BACH2: variants seen among roughly 807,000 people sequenced by gnomAD.
BACH2 encodes the protein transcription regulator protein BACH2.
BACH2 carries 5 observed loss-of-function variants against 61.8 expected under a neutral mutation model. The ratio of observed to expected loss-of-function variants is 0.08; its 90% confidence interval spans 0.04 to 0.17. BACH2 has a LOEUF of 0.17. BACH2 is among the 10% of genes least tolerant of loss of function. The probability of loss-of-function intolerance (pLI) is 1.00; values close to 1 mark genes in which losing one functional copy is unlikely to be tolerated. For missense variants in BACH2, 824 were observed against 1,091.1 expected (o/e 0.76, Z 3.45); for synonymous variants, 446 against 440.1 (o/e 1.01, Z -0.17).
chr6:89,950,564 C>A lies in BACH2; in HGVS notation c.1542G>T (p.Glu514Asp). Residue 514 changes from glutamate (E) to aspartate (D), a missense_variant, in exon 7 of 9, where the codon GAG becomes GAT. Transcript: ENST00000257749. The surrounding 1 kb of genome is among the most constrained non-coding windows in gnomAD (Gnocchi z 5.3). The stretch of plus-strand genomic sequence containing the variant: ...AGGAGCTGGAAGTCCTGGTCCTGGT[C>A]TCCAAGGGGGGTGAGCGAGGGCAGA... ...IKVCPRSPPL[E>D]TRTRTSSSCS... 6.2e-7 allele frequency: 1 copy of A among 1,611,176 alleles called. No individual in the cohort carries two copies. Among genetic ancestry groups the A allele is most frequent in the Non-Finnish European group, 8.5e-7 (1 of 1,178,004 alleles).
intron 6 of BACH2, among the ~76,000 whole-genome samples, chr6:89,997,803 A>G (rs900233839): frequency 1.3e-5 from 2 of 152,170 alleles, no homozygotes; most frequent in African/African-American, 4.8e-5. Flanking sequence ...GTGCCACTCA[A>G]CCTGGCTTGA....
chr6:90,152,691 T>C (rs984595577), intron 4 of BACH2, among the ~76,000 whole-genome samples: 9 of 152,228 alleles, frequency 5.9e-5, no homozygotes, highest in Non-Finnish European at 1.2e-4. Context: ...AGAATGCCTT[T>C]CATTTAGTCT....
chr6:89,949,841 A>C (rs140456771), intron 7 of BACH2, among the ~76,000 whole-genome samples: 1 of 152,176 alleles, frequency 6.6e-6, no homozygotes, highest in African/African-American at 2.4e-5. Context: ...GGTTTCAATC[A>C]ATCAATCTGG....
chr6:89,941,236 G>C (rs1584506347), intron 7 of BACH2, among the ~76,000 whole-genome samples: 1 of 152,196 alleles, frequency 6.6e-6, no homozygotes, highest in Non-Finnish European at 1.5e-5. Context: ...TGTGTGGCTA[G>C]TCAATTCCCG....
At chr6:90,038,615 C>T (rs141376308) in intron 5 of BACH2, among the ~76,000 whole-genome samples, 3 of 152,288 alleles carry the variant, frequency 2.0e-5, no homozygotes, top group African/African-American at 7.2e-5. Context: ...ATCCCAGCTT[C>T]CCAGCCATCC....
intron 4 of BACH2, among the ~76,000 whole-genome samples, chr6:90,199,125 T>A (rs973460502): frequency 1.3e-5 from 2 of 152,202 alleles, no homozygotes; most frequent in African/African-American, 2.4e-5. Context: ...CTCAGGTATG[T>A]CTTTTATTAG....
chr6:90,124,296 G>A (rs1030029178), intron 4 of BACH2, among the ~76,000 whole-genome samples: 1 of 152,104 alleles, frequency 6.6e-6, no homozygotes, highest in African/African-American at 2.4e-5. Context: ...GCATTATGAA[G>A]TATTAAACAA....
At chr6:89,984,979 C>T (rs1360097929) in intron 6 of BACH2, among the ~76,000 whole-genome samples, 1 of 152,204 alleles carries the variant, frequency 6.6e-6, no homozygotes, top group Non-Finnish European at 1.5e-5. Context: ...CTGGGAAACA[C>T]TGGGAACCCA....
chr6:90,120,657 AT>A (rs1783583548), intron 4 of BACH2, among the ~76,000 whole-genome samples: 1 of 152,180 alleles, frequency 6.6e-6, no homozygotes, highest in South Asian at 2.1e-4. Flanking sequence ...TTACTGATGA[AT>A]TTTTGGGAGG....
intron 3 of BACH2, among the ~76,000 whole-genome samples, chr6:90,229,231 G>A (rs1433541519): frequency 1.3e-5 from 2 of 152,236 alleles, no homozygotes; most frequent in Admixed American, 1.3e-4. Context: ...GGCCGAGGCA[G>A]GCGGATGACC....
chr6:90,109,259 A>C (rs1783060638), intron 4 of BACH2, among the ~76,000 whole-genome samples: 1 of 152,016 alleles, frequency 6.6e-6, no homozygotes, highest in African/African-American at 2.4e-5. Context: ...TTCTCATCTT[A>C]CAAGACTTCT....
intron 5 of BACH2, among the ~76,000 whole-genome samples, chr6:90,038,232 A>G (rs1779358656): frequency 6.6e-6 from 1 of 152,208 alleles, no homozygotes. Context: ...GGCACAATCA[A>G]TGATTTTCTT....
intron 1 of BACH2, among the ~76,000 whole-genome samples, chr6:90,273,588 G>A (rs1303570763): frequency 6.6e-6 from 1 of 152,100 alleles, no homozygotes; most frequent in African/African-American, 2.4e-5. Context: ...GGCTTATACA[G>A]TGTGGAAACT....
At chr6:90,014,567 GGATTCACAAGT>G (rs1777952309) in intron 5 of BACH2, among the ~76,000 whole-genome samples, 1 of 143,160 alleles carries the variant, frequency 7.0e-6, no homozygotes, top group Non-Finnish European at 1.5e-5. Flanking sequence ...TCCACCTCCT[GGATTCACAAGT>G]GATTCTCCTG....
chr6:90,173,818 C>T (rs1767898194), intron 4 of BACH2, among the ~76,000 whole-genome samples: 1 of 152,080 alleles, frequency 6.6e-6, no homozygotes, highest in African/African-American at 2.4e-5. Flanking sequence ...TGAGTTTGAT[C>T]ATATGAAAAT....
intron 5 of BACH2, among the ~76,000 whole-genome samples, chr6:90,027,626 C>G (rs1436801833): frequency 1.3e-5 from 2 of 152,170 alleles, no homozygotes; most frequent in Non-Finnish European, 2.9e-5. Flanking sequence ...ACTTTCTTGA[C>G]TCTAAAATGC....
chr6:90,281,833 T>G (rs909397208), intron 1 of BACH2, among the ~76,000 whole-genome samples: 2 of 152,066 alleles, frequency 1.3e-5, no homozygotes. Context: ...AACAACACTA[T>G]CAGGTAGACA....
intron 6 of BACH2, among the ~76,000 whole-genome samples, chr6:89,991,826 A>G (rs1004546654): frequency 2.6e-5 from 4 of 152,026 alleles, no homozygotes; most frequent in African/African-American, 4.8e-5. Context: ...CATGACAGTG[A>G]TATTTTTGAA....
At chr6:90,148,864 A>G (rs1784713677) in intron 4 of BACH2, among the ~76,000 whole-genome samples, 1 of 152,204 alleles carries the variant, frequency 6.6e-6, no homozygotes, top group Non-Finnish European at 1.5e-5. Flanking sequence ...GTTTTGAAAA[A>G]GGAACACAAT....
Sources: allele counts gnomAD v4.1 joint callset (sites outside exome capture counted in the v4.1 genomes callset), GRCh38; gene constraint gnomAD v4.1.1; non-coding constraint Gnocchi (gnomAD v3.1); transcripts MANE v1.5; gene names NCBI Gene and HGNC (gene_info 2026-07-23, HGNC 2026-07-21).